Variants in TAF4B observed in about 807,000 individuals in gnomAD.
TAF4B encodes the protein TATA-box binding protein associated factor 4b.
Under a neutral mutation model 86.4 loss-of-function variants are expected in TAF4B, and 38 were observed. The ratio of observed to expected loss-of-function variants is 0.44; its 90% CI spans 0.34 to 0.58. The LOEUF (loss-of-function observed/expected upper bound fraction) is 0.58, where lower values mean the gene tolerates loss of function less well. Among genes scored for constraint, TAF4B ranks in the 20% least tolerant of loss-of-function variants. TAF4B has a pLI of 0.02. For missense variants in TAF4B, 988 were observed against 1,027.6 expected, an observed-to-expected ratio of 0.96 and a Z score of 0.53; for synonymous variants, 388 against 391.2, an observed-to-expected ratio of 0.99 and a Z score of 0.10.
At chr18:26,334,302 T>C (rs942259056) in intron 12 of TAF4B, among the ~76,000 whole-genome samples, 2 of 152,204 alleles carry the variant, frequency 1.3e-5, no homozygotes, top group Non-Finnish European at 2.9e-5. Context: ...GGTAAACTTA[T>C]TAAATATGAA....
intron 9 of TAF4B, among the ~76,000 whole-genome samples, chr18:26,306,682 A>C (rs1320883473): frequency 6.6e-6 from 1 of 152,218 alleles, no homozygotes; most frequent in Non-Finnish European, 1.5e-5. Context: ...ATTCACAGTC[A>C]CACATGGCTT....
At chr18:26,265,570 T>C (rs890503499) in intron 2 of TAF4B, among the ~76,000 whole-genome samples, 1 of 152,206 alleles carries the variant, frequency 6.6e-6, no homozygotes, top group Non-Finnish European at 1.5e-5. Context: ...GCATCTTTTT[T>C]GAGACAGGAT....
chr18:26,234,496 T>C (rs1008697611), intron 1 of TAF4B, among the ~76,000 whole-genome samples: 1 of 152,238 alleles, frequency 6.6e-6, no homozygotes, highest in Admixed American at 6.5e-5. Flanking sequence ...TTCCCAGTTC[T>C]AAGGCTCGGG....
chr18:26,326,890 C>A, intron 11 of TAF4B, 125 bp from the exon 12 acceptor site: 1 of 1,102,790 alleles, frequency 9.1e-7, no homozygotes, highest in Non-Finnish European at 1.2e-6. Context: ...AAAATCATTA[C>A]CTTCTGAAAG....
At chr18:26,314,173 A>T (rs932223822) in intron 9 of TAF4B, among the ~76,000 whole-genome samples, 1 of 152,204 alleles carries the variant, frequency 6.6e-6, no homozygotes, top group East Asian at 1.9e-4. Flanking sequence ...AGACCATATT[A>T]TATACCATTT....
At chr18:26,277,278 G>T (rs1047027662) in intron 5 of TAF4B, among the ~76,000 whole-genome samples, 1 of 152,008 alleles carries the variant, frequency 6.6e-6, no homozygotes, top group African/African-American at 2.4e-5. Context: ...TAGAGACAGG[G>T]TCTTGCTATG....
In TAF4B at chr18:26,328,579, A is replaced by G. The variant is rs530419119; in HGVS notation, c.2259+1439A>G. 2.6e-5 allele frequency among the ~76,000 whole-genome samples: 4 copies of G among 152,156 alleles called. No homozygotes were observed. The South Asian group carries it at 8.3e-4, about 32-fold the overall frequency. Reference sequence around the variant, plus strand: ...CAGTCCCCTTTCCCAGATCCCCCCAATTTTAACATTTTACTGCATTTGCTT... The same window carrying G: ...CAGTCCCCTTTCCCAGATCCCCCCAGTTTTAACATTTTACTGCATTTGCTT... On this transcript the variant is annotated intron_variant, in intron 12 of 14. Transcript: ENST00000269142.
chr18:26,287,713 G>A (rs1043887651), intron 7 of TAF4B, among the ~76,000 whole-genome samples: 2 of 152,236 alleles, frequency 1.3e-5, no homozygotes, highest in East Asian at 3.9e-4. Flanking sequence ...TTAAATCTCT[G>A]TTTTGGTTCA....
chr18:26,324,402 A>G (rs560361822), intron 11 of TAF4B, among the ~76,000 whole-genome samples: 2 of 152,302 alleles, frequency 1.3e-5, no homozygotes, highest in Non-Finnish European at 2.9e-5. Context: ...GTGAGTCACC[A>G]TGCCTGGCCA....
chr18:26,294,997 A>G (rs922932196), intron 9 of TAF4B, among the ~76,000 whole-genome samples: 3 of 149,850 alleles, frequency 2.0e-5, no homozygotes, highest in Non-Finnish European at 3.0e-5. Flanking sequence ...AACACTGTCC[A>G]GGAAATGAAT....
chr18:26,323,471 A>G (rs1791762), intron 11 of TAF4B, among the ~76,000 whole-genome samples: 53,838 of 148,886 alleles, frequency 0.36, 11,702 homozygotes, highest in East Asian at 0.81. Context: ...CCACCCTCCC[A>G]CCTCAGCCTT....
At chr18:26,227,321 C>A in intron 1 of TAF4B, 45 bp downstream of exon 1, 1 of 1,566,702 alleles carries the variant, frequency 6.4e-7, no homozygotes, top group South Asian at 1.2e-5. Flanking sequence ...GTCCAGCTGG[C>A]GGCGACGGGA....
rs573046931 is a variant in TAF4B at position 26,290,251 on chromosome 18, TG to T, written c.1591-1994del. Among the ~76,000 whole-genome samples the T allele has an allele frequency of 2.6e-3, 391 of 152,248 alleles. 2 individuals are homozygous for T. The highest frequency in any genetic ancestry group is 4.4e-3 in the Non-Finnish European group (300 of 68,012). On this transcript the variant is annotated intron_variant, in intron 7 of 14. Transcript: ENST00000269142. ...ATCTCCTGGGCTCAAGCAATCCTCC[TG>T]CCTCAGCCTCATGAGTAGCTAGGAC...
intron 3 of TAF4B, among the ~76,000 whole-genome samples, chr18:26,271,858 C>T (rs367988845): frequency 2.1e-5 from 3 of 145,128 alleles, no homozygotes; most frequent in African/African-American, 5.2e-5. Flanking sequence ...ACCCAGGAGG[C>T]GGAGATTGCA....
chr18:26,378,618 T>C (rs147595076), intron 14 of TAF4B, among the ~76,000 whole-genome samples: 1 of 152,308 alleles, frequency 6.6e-6, no homozygotes, highest in Non-Finnish European at 1.5e-5. Context: ...TTATATACAA[T>C]AGAATGTATT....
At chr18:26,361,771 GA>G (rs1161249504) in intron 14 of TAF4B, among the ~76,000 whole-genome samples, 3 of 150,542 alleles carry the variant, frequency 2.0e-5, no homozygotes, top group African/African-American at 7.3e-5. Flanking sequence ...AAAAAGTATG[GA>G]AAAATTAGTT....
intron 1 of TAF4B, among the ~76,000 whole-genome samples, chr18:26,240,151 G>A (rs1236156619): frequency 3.9e-5 from 6 of 152,122 alleles, no homozygotes; most frequent in African/African-American, 1.4e-4. Flanking sequence ...TGATGGGGAT[G>A]GCATTGAATC....
At chr18:26,362,841 C>T (rs2057341626) in intron 14 of TAF4B, among the ~76,000 whole-genome samples, 1 of 151,982 alleles carries the variant, frequency 6.6e-6, no homozygotes, top group African/African-American at 2.4e-5. Flanking sequence ...TGTATTCAGC[C>T]AACTGCAGAT....
At position 26,287,176 on chromosome 18, in the gene TAF4B, T is replaced by A. The variant is rs1018907907; in HGVS notation, c.1590+677T>A. On this transcript the variant is annotated intron_variant, in intron 7 of 14. Coordinates refer to ENST00000269142, the MANE Select transcript of TAF4B (RefSeq NM_005640.3). Reference sequence around the variant, plus strand: ...TGTCCCAATAATGTGTTTTTATTTTTATTTTTTTGTAGAGAGAGGGTCTTG... The same window carrying A: ...TGTCCCAATAATGTGTTTTTATTTTAATTTTTTTGTAGAGAGAGGGTCTTG... 2.6e-5 allele frequency among the ~76,000 whole-genome samples: 4 copies of A among 152,344 alleles called. No individual in the cohort carries two copies. In the South Asian group the frequency reaches 8.3e-4, roughly 32 times the overall value.
Sources: allele counts gnomAD v4.1 joint callset (sites outside exome capture counted in the v4.1 genomes callset), GRCh38; gene constraint gnomAD v4.1.1; transcripts MANE v1.5; gene names NCBI Gene and HGNC (gene_info 2026-07-23, HGNC 2026-07-21).